The following TXLNB variants were observed in gnomAD, a reference collection of about 807,000 sequenced individuals.
TXLNB encodes taxilin beta.
A neutral mutation model predicts 57.4 loss-of-function variants in TXLNB; 37 were observed. The ratio of observed to expected loss-of-function variants is 0.64; its 90% CI spans 0.50 to 0.85. TXLNB has a LOEUF of 0.85. TXLNB is among the 40% of genes least tolerant of loss of function. The pLI, the probability that TXLNB is intolerant of heterozygous loss-of-function variation, is 0.00. For synonymous variants in TXLNB, 302 were observed against 309.6 expected (o/e 0.98, Z 0.26); for missense variants, 848 against 825.6 (o/e 1.03, Z -0.33).
intron 3 of TXLNB, among the ~76,000 whole-genome samples, chr6:139,275,855 T>C (rs1370248723): frequency 6.6e-6 from 1 of 152,220 alleles, no homozygotes; most frequent in African/African-American, 2.4e-5. Context: ...TGAGATGTCC[T>C]GAGGTTTAAG....
chr6:139,271,948 G>A (rs1776774512), intron 3 of TXLNB: 1 of 152,332 alleles, frequency 6.6e-6, no homozygotes, highest in Admixed American at 6.5e-5. Context: ...GTGCCTCACA[G>A]AGCCTAATGC....
the TXLNB span, among the ~76,000 whole-genome samples, chr6:139,309,884 C>G: frequency 2.0e-5 from 3 of 152,132 alleles, no homozygotes; most frequent in Non-Finnish European, 4.4e-5. Context: ...GGGGAAAGAA[C>G]AGTCTCTTCA....
At chr6:139,276,694 G>T (rs920099471) in intron 3 of TXLNB, 136 bp downstream of exon 3, 5 of 645,102 alleles carry the variant, frequency 7.8e-6, no homozygotes, top group East Asian at 6.2e-5. Flanking sequence ...CTCATAATCT[G>T]CAGGGTTAGC....
chr6:139,167,198 G>T, the TXLNB span: 1 of 1,614,062 alleles, frequency 6.2e-7, no homozygotes, highest in African/African-American at 1.3e-5. Flanking sequence ...CAGAAACGTG[G>T]TAAACTGTGC....
At chr6:139,197,791 T>TAGAAACTTG in the TXLNB span, 11 of 152,334 alleles carry the variant, frequency 7.2e-5, no homozygotes, top group South Asian at 2.1e-3. Flanking sequence ...AAGTTCGGTG[T>TAGAAACTTG]CTGCTGAAGC....
At chr6:139,172,008 T>C in the TXLNB span, among the ~76,000 whole-genome samples, 4 of 152,216 alleles carry the variant, frequency 2.6e-5, no homozygotes, top group South Asian at 8.3e-4. Context: ...TTTTTTATAT[T>C]TTAGTAGAGA....
chr6:139,196,596 G>A, the TXLNB span, among the ~76,000 whole-genome samples: 6 of 96,462 alleles, frequency 6.2e-5, no homozygotes, highest in East Asian at 1.2e-3. Flanking sequence ...GGCTGGTCTC[G>A]AACTCCTGAC....
At chr6:139,172,461 T>C in the TXLNB span, among the ~76,000 whole-genome samples, 9 of 152,204 alleles carry the variant, frequency 5.9e-5, no homozygotes, top group African/African-American at 1.2e-4. Context: ...CTTCGTTTGC[T>C]CTCTTTCCCT....
chr6:139,275,179 A>C (rs962601037), intron 3 of TXLNB, among the ~76,000 whole-genome samples: 36 of 152,210 alleles, frequency 2.4e-4, no homozygotes, highest in Non-Finnish European at 1.2e-4. Flanking sequence ...AAAAGAACAA[A>C]GCTAATACGT....
the TXLNB span, among the ~76,000 whole-genome samples, chr6:139,224,159 A>T: frequency 6.6e-6 from 1 of 150,982 alleles, no homozygotes. Flanking sequence ...ACATGGATGA[A>T]ATTGGAAATC....
At chr6:139,212,127 A>T in the TXLNB span, among the ~76,000 whole-genome samples, 8 of 152,320 alleles carry the variant, frequency 5.3e-5, no homozygotes, top group Admixed American at 4.6e-4. Flanking sequence ...AATACAGAGA[A>T]CACCACAAAG....
chr6:139,228,954 T>A, the TXLNB span, among the ~76,000 whole-genome samples: 1 of 152,190 alleles, frequency 6.6e-6, no homozygotes, highest in Non-Finnish European at 1.5e-5. Context: ...TTACACTGTT[T>A]TAGGCCCGTC....
the TXLNB span, among the ~76,000 whole-genome samples, chr6:139,197,349 C>A: frequency 4.5e-3 from 461 of 102,412 alleles, 1 homozygote; most frequent in African/African-American, 0.021. Context: ...ATAATGCAAG[C>A]TCCATGCAGA....
chr6:139,278,470 C>T (rs369001438), intron 2 of TXLNB, among the ~76,000 whole-genome samples: 4 of 152,182 alleles, frequency 2.6e-5, no homozygotes, highest in African/African-American at 9.7e-5. Context: ...TCACTGACGC[C>T]TCGCCCCTGC....
At chr6:139,307,744 C>T in the TXLNB span, among the ~76,000 whole-genome samples, 2 of 152,046 alleles carry the variant, frequency 1.3e-5, no homozygotes, top group African/African-American at 4.8e-5. Flanking sequence ...GATATCTAAA[C>T]AAATGGCTTT....
chr6:139,237,672 A>T (rs1001066974), downstream of TXLNB, among the ~76,000 whole-genome samples: 2 of 152,094 alleles, frequency 1.3e-5, no homozygotes, highest in Non-Finnish European at 2.9e-5. Context: ...GGCTTCTAGC[A>T]AGTAGTTTTT....
At chr6:139,252,254 G>A (rs1005093020) in intron 7 of TXLNB, among the ~76,000 whole-genome samples, 1 of 152,212 alleles carries the variant, frequency 6.6e-6, no homozygotes, top group African/African-American at 2.4e-5. Context: ...TGGGGCCTTG[G>A]CCTTGGCCTC....
At chr6:139,258,086 G>A (rs1776390652) in intron 6 of TXLNB, among the ~76,000 whole-genome samples, 1 of 152,184 alleles carries the variant, frequency 6.6e-6, no homozygotes, top group African/African-American at 2.4e-5. Context: ...AACCTCGAGG[G>A]AGGCTGGTGG....
the TXLNB span, among the ~76,000 whole-genome samples, chr6:139,163,352 C>CTTT: frequency 0.027 from 3,795 of 141,870 alleles, 186 homozygotes; most frequent in Admixed American, 0.11. Context: ...GTTCTCCATT[C>CTTT]TTTTTTTTTT....
Sources: allele counts gnomAD v4.1 joint callset (sites outside exome capture counted in the v4.1 genomes callset), GRCh38; gene constraint gnomAD v4.1.1; transcripts MANE v1.5; gene names NCBI Gene and HGNC (gene_info 2026-07-23, HGNC 2026-07-21).